Variants in RNF216 observed in about 807,000 individuals in gnomAD.
The protein encoded by RNF216 is ring finger protein 216, also known as E3 ubiquitin-protein ligase RNF216.
In RNF216, 72 loss-of-function variants were observed where a neutral mutation model predicts 110.8. The ratio of observed to expected loss-of-function variants is 0.65; its 90% confidence interval spans 0.54 to 0.79. RNF216 has a LOEUF of 0.79. RNF216 is among the 30% of genes least tolerant of loss of function. The probability of loss-of-function intolerance (pLI) is 0.00; values close to 1 mark genes in which losing one functional copy is unlikely to be tolerated. For synonymous variants in RNF216, 495 were observed against 407.5 expected, an observed-to-expected ratio of 1.21 and a Z score of -2.59; for missense variants, 1,342 against 1,141.2, an observed-to-expected ratio of 1.18 and a Z score of -2.54.
At chr7:5,748,099 C>T (rs928358472) in intron 3 of RNF216, among the ~76,000 whole-genome samples, 1 of 152,194 alleles carries the variant, frequency 6.6e-6, no homozygotes, top group Non-Finnish European at 1.5e-5. Context: ...AGACCCCTCC[C>T]TAACTCTGAT....
intron 1 of RNF216, among the ~76,000 whole-genome samples, chr7:5,780,931 C>G (rs936620418): frequency 6.6e-6 from 1 of 152,190 alleles, no homozygotes; most frequent in Non-Finnish European, 1.5e-5. Flanking sequence ...ACCACCTCGA[C>G]GCGGGGACAG....
intron 1 of RNF216, among the ~76,000 whole-genome samples, chr7:5,765,290 T>A (rs1245868666): frequency 6.7e-6 from 1 of 150,138 alleles, no homozygotes; most frequent in African/African-American, 2.5e-5. Context: ...GTGAGGACTA[T>A]CTATACTGAA....
chr7:5,725,002 C>A (rs1793660752), intron 8 of RNF216, among the ~76,000 whole-genome samples: 1 of 152,178 alleles, frequency 6.6e-6, no homozygotes, highest in Non-Finnish European at 1.5e-5. Context: ...AATAACACAG[C>A]CAATTCGCAT....
At chr7:5,672,910 A>C (rs1308458729) in intron 13 of RNF216, among the ~76,000 whole-genome samples, 1 of 152,162 alleles carries the variant, frequency 6.6e-6, no homozygotes, top group African/African-American at 2.4e-5. Flanking sequence ...CTATCGTTTG[A>C]CCAAGGGGGA....
chr7:5,743,859 G>T (rs10260656), intron 3 of RNF216, among the ~76,000 whole-genome samples: 1 of 152,112 alleles, frequency 6.6e-6, no homozygotes, highest in Admixed American at 6.5e-5. Flanking sequence ...GAATCGCAGC[G>T]TGGAGAGTTT....
chr7:5,689,465 G>A (rs553025517), intron 13 of RNF216, among the ~76,000 whole-genome samples: 1 of 151,250 alleles, frequency 6.6e-6, no homozygotes, highest in Admixed American at 6.6e-5. Flanking sequence ...GTTGTCAAGT[G>A]ATCAATAATT....
At chr7:5,772,148 G>A (rs1198598912) in intron 1 of RNF216, among the ~76,000 whole-genome samples, 2 of 151,692 alleles carry the variant, frequency 1.3e-5, no homozygotes, top group East Asian at 2.0e-4. Context: ...CAGGAGAATC[G>A]TTTGAACCCG....
At chr7:5,671,825 A>AAAAAAAAAAAAAAAAAAAAAAAAAC in intron 13 of RNF216, among the ~76,000 whole-genome samples, 1 of 151,116 alleles carries the variant, frequency 6.6e-6, no homozygotes, top group Admixed American at 6.6e-5. Context: ...AAAAAAAAAA[A>AAAAAAAAAAAAAAAAAAAAAAAAAC]AAAAGGACAG....
intron 1 of RNF216, among the ~76,000 whole-genome samples, chr7:5,776,820 G>C (rs568735292): frequency 2.8e-5 from 4 of 141,988 alleles, no homozygotes; most frequent in Non-Finnish European, 4.5e-5. Flanking sequence ...AGAATGGCTT[G>C]AACCTGGGAG....
intron 15 of RNF216, among the ~76,000 whole-genome samples, chr7:5,638,749 T>C (rs1787554772): frequency 6.6e-6 from 1 of 151,574 alleles, no homozygotes; most frequent in Admixed American, 6.6e-5. Context: ...ATGATCCTCC[T>C]GCCTCAGCCT....
At chr7:5,642,315 G>C (rs1787787268) in intron 14 of RNF216, among the ~76,000 whole-genome samples, 1 of 151,564 alleles carries the variant, frequency 6.6e-6, no homozygotes, top group African/African-American at 2.4e-5. Context: ...CCGGGTTCAA[G>C]AGATTCTCCC....
chr7:5,720,963 TACTA>T, intron 9 of RNF216, 66 bp downstream of exon 9: 1 of 1,460,702 alleles, frequency 6.8e-7, no homozygotes. Context: ...GACAGTTTTG[TACTA>T]ACTAAACCCT....
intron 13 of RNF216, among the ~76,000 whole-genome samples, chr7:5,665,088 G>A (rs953739149): frequency 6.6e-5 from 10 of 152,082 alleles, no homozygotes; most frequent in African/African-American, 1.2e-4. Context: ...ACGAACCACC[G>A]CACCCAGCCA....
At chr7:5,740,611 G>C (rs1794699889) in intron 4 of RNF216, among the ~76,000 whole-genome samples, 1 of 152,174 alleles carries the variant, frequency 6.6e-6, no homozygotes. Flanking sequence ...CAAGGAGCTA[G>C]TAAGTGCCAT....
intron 9 of RNF216, among the ~76,000 whole-genome samples, chr7:5,718,599 T>C (rs1473929537): frequency 6.6e-6 from 1 of 150,668 alleles, no homozygotes; most frequent in Non-Finnish European, 1.5e-5. Context: ...CAGGCTGGAG[T>C]GCAGTGGCAT....
In RNF216 at chr7:5,623,094, C is replaced by A; in HGVS notation, c.2538G>T (p.Pro846=). 6 of 1,610,566 alleles carry A rather than the reference C, an allele frequency of 3.7e-6. No homozygotes were observed. The highest frequency in any genetic ancestry group is 5.1e-6 in the Non-Finnish European group (6 of 1,177,264). Residue 846 remains proline (P), a synonymous_variant, in exon 17 of 17, where the codon CCG becomes CCT. Coordinates refer to ENST00000389902, the MANE Select transcript of RNF216 (RefSeq NM_207111.4). ...GCATCTGTGGCTGTGGCAGGTTCTG[C>A]GGAACGGGCCTCGGGAGGGCCTCCA... ...QRVEALPRPV[P]QNLPQPQMPP...
At chr7:5,743,342 ACT>A (rs1794868013) in intron 3 of RNF216, among the ~76,000 whole-genome samples, 2 of 152,258 alleles carry the variant, frequency 1.3e-5, no homozygotes, top group South Asian at 4.1e-4. Context: ...TGTTCTATAA[ACT>A]CTATCGAAAA....
intron 13 of RNF216, among the ~76,000 whole-genome samples, chr7:5,655,231 T>C (rs1788658544): frequency 6.6e-6 from 1 of 152,174 alleles, no homozygotes; most frequent in African/African-American, 2.4e-5. Flanking sequence ...CTGCTCACCC[T>C]CTACGTCACA....
At chr7:5,735,358 G>C (rs1350207281) in intron 5 of RNF216, among the ~76,000 whole-genome samples, 1 of 152,024 alleles carries the variant, frequency 6.6e-6, no homozygotes, top group African/African-American at 2.4e-5. Context: ...GGAGCCAGCA[G>C]GAAGAACAGA....
Sources: gnomAD v4.1 joint callset for allele counts (sites outside exome capture counted in the v4.1 genomes callset) on GRCh38, gnomAD v4.1.1 for gene constraint, MANE v1.5 for transcripts, NCBI Gene and HGNC (gene_info 2026-07-23, HGNC 2026-07-21) for gene names.